The following HCLS1 variants were observed in gnomAD, a reference collection of about 807,000 sequenced individuals.
HCLS1 encodes the protein hematopoietic cell-specific Lyn substrate 1, also known as hematopoietic lineage cell-specific protein.
In HCLS1, 44 loss-of-function variants were observed where a neutral mutation model predicts 68.6. That is an observed-to-expected ratio of 0.64 (90% CI 0.50 to 0.82). The LOEUF (loss-of-function observed/expected upper bound fraction) is 0.82. Among genes scored for constraint, HCLS1 ranks in the 40% least tolerant of loss-of-function variants. The probability of loss-of-function intolerance (pLI) is 0.00; values close to 1 mark genes in which losing one functional copy is unlikely to be tolerated. For synonymous variants in HCLS1, 217 were observed against 225.8 expected (o/e 0.96, Z 0.35); for missense variants, 602 against 612.1 (o/e 0.98, Z 0.17).
In HCLS1 at chr3:121,633,108, G is replaced by A. The variant is rs750578811; in HGVS notation, c.967C>T (p.His323Tyr). Residue 323 changes from histidine to tyrosine, a missense_variant, in exon 11 of 14, where the codon CAC becomes TAC. Coordinates refer to ENST00000314583, the MANE Select transcript of HCLS1 (RefSeq NM_005335.6). ...ESEPVRTSREHPVPLLPIRQT... is the reference protein window; with the variant it reads ...ESEPVRTSREYPVPLLPIRQT... ...CTAATGGGCAGCAAGGGCACTGGGT[G>A]TTCCCTGCTGGTTCTCACAGGCTCA... The A allele has an allele frequency of 1.9e-6, 3 of 1,613,374 alleles. No homozygotes were observed. Among genetic ancestry groups the A allele is most frequent in the Admixed American group, 3.3e-5 (2 of 59,982 alleles).
chr3:121,660,461 T>C (rs912230985), intron 1 of HCLS1, among the ~76,000 whole-genome samples: 1 of 152,124 alleles, frequency 6.6e-6, no homozygotes, highest in Non-Finnish European at 1.5e-5. Flanking sequence ...CCTGAGACCA[T>C]ATGCTCTTCA....
chr3:121,637,233 G>A lies in HCLS1; in HGVS notation c.478C>T (p.Arg160Trp), dbSNP rs569138301. The A allele has an allele frequency of 1.0e-4, 166 of 1,613,694 alleles. No individual in the cohort carries two copies. Among genetic ancestry groups the A allele is most frequent in the Middle Eastern group, 3.3e-4 (2 of 6,060 alleles). Reference sequence around the variant, plus strand: ...CATTTATCCTTCTCCACCCCGTACCGGCCACCAAAGCCACGAGAGTAATCT... The same window carrying A: ...CATTTATCCTTCTCCACCCCGTACCAGCCACCAAAGCCACGAGAGTAATCT... ...QKDYSRGFGG[R>W]YGVEKDKWDK... Residue 160 changes from arginine (R) to tryptophan (W), a missense_variant, in exon 7 of 14, where the codon CGG becomes TGG. Arg to Trp is a moderately radical substitution (Grantham distance 101, BLOSUM62 -3). Transcript: ENST00000314583.
intron 6 of HCLS1, among the ~76,000 whole-genome samples, chr3:121,638,492 C>G (rs762834186): frequency 6.6e-6 from 1 of 152,094 alleles, no homozygotes; most frequent in African/African-American, 2.4e-5. Context: ...TAAGAGAGTG[C>G]TAGAAAAATT....
In HCLS1 at chr3:121,637,227, C is replaced by G. The variant is rs747709357; in HGVS notation, c.484G>C (p.Gly162Arg). 6.2e-7 allele frequency: 1 copy of G among 1,613,960 alleles called. No individual in the cohort carries two copies. The highest frequency in any genetic ancestry group is 8.5e-7 in the Non-Finnish European group (1 of 1,179,872). The change falls in exon 7 of 14, where the codon GGG (glycine) becomes CGG (arginine). Residue 162 changes from glycine (G) to arginine (R), a missense_variant. Transcript: ENST00000314583. The stretch of plus-strand genomic sequence containing the variant: ...TTGTCCCATTTATCCTTCTCCACCC[C>G]GTACCGGCCACCAAAGCCACGAGAG... Reference protein sequence around the residue: ...DYSRGFGGRYGVEKDKWDKAA... With the variant: ...DYSRGFGGRYRVEKDKWDKAA...
In HCLS1 at chr3:121,657,369, G is replaced by A. The variant is rs200112290; in HGVS notation, c.85-17C>T. On this transcript the variant is annotated splice_polypyrimidine_tract_variant and intron_variant, in intron 2 of 13. Transcript: ENST00000314583. ...GATGTCATTCTGCAAACGACAGCAC[G>A]CAGTAATACATGACGGCAAGAAATG... is the stretch of plus-strand genomic sequence containing the variant. The A allele has an allele frequency of 3.1e-3, 5,017 of 1,613,102 alleles. 9 individuals are homozygous for A. Among genetic ancestry groups the A allele is most frequent in the Middle Eastern group, 6.9e-3 (42 of 6,062 alleles).
intron 3 of HCLS1, chr3:121,656,052 T>C (rs1937861941): frequency 6.6e-6 from 1 of 152,010 alleles, no homozygotes; most frequent in Non-Finnish European, 1.5e-5. Context: ...TTTCATCATG[T>C]TGCCCATGCT....
At chr3:121,639,021 ACACG>A (rs1385199962) in intron 6 of HCLS1, among the ~76,000 whole-genome samples, 1 of 54,072 alleles carries the variant, frequency 1.8e-5, no homozygotes, top group Non-Finnish European at 5.2e-5. Flanking sequence ...ACACACACAC[ACACG>A]CACACACACA....
intron 2 of HCLS1, chr3:121,657,992 G>T: frequency 2.4e-6 from 1 of 410,040 alleles, no homozygotes; most frequent in South Asian, 3.4e-5. Flanking sequence ...GGAGACCCAG[G>T]TTCACCTGCT....
At chr3:121,632,632 A>T (rs1576459764) in intron 11 of HCLS1, 69 bp from the exon 12 acceptor site, 4 of 1,424,748 alleles carry the variant, frequency 2.8e-6, no homozygotes, top group Non-Finnish European at 3.9e-6. Flanking sequence ...GACTGATAAG[A>T]TCCCCCGCCC....
intron 3 of HCLS1, among the ~76,000 whole-genome samples, chr3:121,652,432 T>A (rs1937770598): frequency 6.6e-6 from 1 of 152,168 alleles, no homozygotes; most frequent in South Asian, 2.1e-4. Context: ...GGCAGGCGGA[T>A]CACTTGAGGT....
intron 3 of HCLS1, among the ~76,000 whole-genome samples, chr3:121,653,177 T>G (rs1179663358): frequency 6.6e-6 from 1 of 151,772 alleles, no homozygotes; most frequent in Admixed American, 6.6e-5. Context: ...GAAGGTAACT[T>G]TATTTTTCCC....
intron 3 of HCLS1, among the ~76,000 whole-genome samples, chr3:121,651,040 CA>C (rs1438447341): frequency 6.6e-6 from 1 of 152,128 alleles, no homozygotes; most frequent in Non-Finnish European, 1.5e-5. Flanking sequence ...GAGGCTGAAG[CA>C]GCAGAATCGC....
At chr3:121,655,132 A>G (rs552411696) in intron 3 of HCLS1, among the ~76,000 whole-genome samples, 2 of 152,306 alleles carry the variant, frequency 1.3e-5, no homozygotes, top group East Asian at 3.9e-4. Context: ...TTAGGTTAAC[A>G]AGGAAATGTG....
chr3:121,634,425 A>G lies in HCLS1; in HGVS notation c.692-7T>C. 1 of 1,613,822 alleles carries G rather than the reference A, an allele frequency of 6.2e-7. No homozygotes were observed. Among genetic ancestry groups the G allele is most frequent in the African/African-American group, 1.3e-5 (1 of 75,058 alleles). Reference sequence around the variant, plus strand: ...CCACGGGTACCACTAGAAGCTGCAGACACAGGCAAGAAAAATTAGGGTTGT... The same window carrying G: ...CCACGGGTACCACTAGAAGCTGCAGGCACAGGCAAGAAAAATTAGGGTTGT... On this transcript the variant is annotated splice_polypyrimidine_tract_variant and splice_region_variant and intron_variant, in intron 9 of 13. Coordinates refer to ENST00000314583, the MANE Select transcript of HCLS1 (RefSeq NM_005335.6).
rs1560138304 is a variant in HCLS1 at position 121,637,189 on chromosome 3, T to G, written c.522A>C (p.Gly174=). 4.3e-6 allele frequency: 7 copies of G among 1,613,890 alleles called. No individual in the cohort carries two copies. Among genetic ancestry groups the G allele is most frequent in the Non-Finnish European group, 3.4e-6 (4 of 1,179,892 alleles). The change falls in exon 7 of 14, where the codon GGA becomes GGC. Residue 174 remains glycine, a synonymous_variant. Transcript: ENST00000314583. ...EKDKWDKAAL[G]YDYKGETEKH... is the part of the protein sequence containing the mutation. ...TCTCCGTCTCTCCCTTGTAGTCATATCCCAGAGCTGCTTTGTCCCATTTAT... is the reference window on the plus strand; with the variant it reads ...TCTCCGTCTCTCCCTTGTAGTCATAGCCCAGAGCTGCTTTGTCCCATTTAT...
intron 1 of HCLS1, among the ~76,000 whole-genome samples, chr3:121,659,048 C>CA (rs1937933782): frequency 6.6e-6 from 1 of 151,744 alleles, no homozygotes; most frequent in East Asian, 1.9e-4. Flanking sequence ...TTGCTAAAGT[C>CA]AAAAAATAGC....
In HCLS1 at chr3:121,631,852, C is replaced by T. The variant is rs1255963532; in HGVS notation, c.1455G>A (p.Leu485=). 2 of 1,614,080 alleles carry T rather than the reference C, an allele frequency of 1.2e-6. No homozygotes were observed. Among genetic ancestry groups the T allele is most frequent in the East Asian group, 2.2e-5 (1 of 44,876 alleles). ...AGTAGACAGTGAGCTCTAGTCACTC[C>T]AGAAGCTTGACATAATTTGCAGGGA... ...GLFPANYVKL[L]E The change falls in exon 14 of 14, where the codon CTG becomes CTA. Residue 485 remains leucine (L), a synonymous_variant. Coordinates refer to ENST00000314583, the MANE Select transcript of HCLS1 (RefSeq NM_005335.6).
chr3:121,655,561 C>T (rs749264832), intron 3 of HCLS1: 14 of 141,346 alleles, frequency 9.9e-5, no homozygotes, highest in African/African-American at 1.3e-4. Context: ...AATCACACCT[C>T]GGATAAACCT....
chr3:121,653,503 C>T (rs1257934887), intron 3 of HCLS1: 2 of 152,138 alleles, frequency 1.3e-5, no homozygotes, highest in Non-Finnish European at 2.9e-5. Context: ...AAATGTTAGT[C>T]ATTATTCTTA....
Sources: allele counts gnomAD v4.1 joint callset (sites outside exome capture counted in the v4.1 genomes callset), GRCh38; gene constraint gnomAD v4.1.1; transcripts MANE v1.5; gene names NCBI Gene and HGNC (gene_info 2026-07-23, HGNC 2026-07-21).